The following IVNS1ABP variants were observed in gnomAD, a reference collection of about 807,000 sequenced individuals.
IVNS1ABP encodes the protein influenza virus NS1A-binding protein.
A neutral mutation model predicts 78.9 loss-of-function variants in IVNS1ABP; 25 were observed. The ratio of observed to expected loss-of-function variants is 0.32; its 90% CI spans 0.23 to 0.44. IVNS1ABP has a LOEUF of 0.44. IVNS1ABP is among the 20% of genes least tolerant of loss of function. IVNS1ABP has a pLI of 1.00. For synonymous variants in IVNS1ABP, 241 were observed against 259.7 expected, an observed-to-expected ratio of 0.93 and a Z score of 0.69; for missense variants, 494 against 768.9, an observed-to-expected ratio of 0.64 and a Z score of 4.23.
chr1:185,308,892 T>A lies in IVNS1ABP; in HGVS notation c.282-17A>T. 6.3e-7 allele frequency: 1 copy of A among 1,588,110 alleles called. No homozygotes were observed. Among genetic ancestry groups the A allele is most frequent in the Non-Finnish European group, 8.6e-7 (1 of 1,164,702 alleles). ...GCTTTCAACCTATTTAAAAAAAAAG[T>A]TACTTATGATACCAAAGCCTTAAAA... On this transcript the variant is annotated splice_polypyrimidine_tract_variant and intron_variant, in intron 4 of 14. Coordinates refer to ENST00000367498, the MANE Select transcript of IVNS1ABP (RefSeq NM_006469.5).
At chr1:185,313,680 T>C (rs960805108) in intron 1 of IVNS1ABP, among the ~76,000 whole-genome samples, 1 of 152,188 alleles carries the variant, frequency 6.6e-6, no homozygotes. Context: ...AAAATTGTTT[T>C]CTTTGAAAAT....
intron 1 of IVNS1ABP, among the ~76,000 whole-genome samples, chr1:185,313,089 T>C (rs916106060): frequency 6.6e-6 from 1 of 152,186 alleles, no homozygotes; most frequent in Non-Finnish European, 1.5e-5. Context: ...AAAAATGGTA[T>C]CCACTTACTA....
chr1:185,310,379 A>C (rs1437444516), intron 2 of IVNS1ABP, among the ~76,000 whole-genome samples: 1 of 152,118 alleles, frequency 6.6e-6, no homozygotes, highest in East Asian at 1.9e-4. Flanking sequence ...AGGCCGAGAC[A>C]GGTGGATCAT....
Position 185,301,079 on chromosome 1 carries a change from C to T in IVNS1ABP, c.1013G>A (p.Ser338Asn), listed in dbSNP as rs776419764. ...TSTPKLSKSL[S>N]FEMQQDELIE... ...TAGCTCATCTTGTTGCATCTCAAAG[C>T]TTAAACTCTTACTTAGTTTTGGAGT... The change falls in exon 10 of 15, where the codon AGC becomes AAC. Residue 338 changes from serine (S) to asparagine (N), a missense_variant. Coordinates refer to ENST00000367498, the MANE Select transcript of IVNS1ABP (RefSeq NM_006469.5). 1.2e-6 allele frequency: 2 copies of T among 1,613,494 alleles called. No homozygotes were observed. Among genetic ancestry groups the T allele is most frequent in the Non-Finnish European group, 1.7e-6 (2 of 1,179,680 alleles).
chr1:185,306,995 C>T lies in IVNS1ABP; in HGVS notation c.657+19G>A. The T allele has an allele frequency of 6.2e-7, 1 of 1,610,702 alleles. No individual in the cohort carries two copies. Among genetic ancestry groups the T allele is most frequent in the Non-Finnish European group, 8.5e-7 (1 of 1,177,754 alleles). ...ATAATTTTTAAAAATGGTTGAATCC[C>T]ATTTACTTTAAAACTAACCTCTTCC... On this transcript the variant is annotated intron_variant, in intron 7 of 14. Coordinates refer to ENST00000367498, the MANE Select transcript of IVNS1ABP (RefSeq NM_006469.5).
chr1:185,300,867 T>C (rs926205083), intron 10 of IVNS1ABP, 105 bp downstream of exon 10: 33 of 823,554 alleles, frequency 4.0e-5, no homozygotes, highest in East Asian at 3.5e-4. Context: ...CCCTATCTTA[T>C]TGGATTGCCG....
rs1665597807 is a variant in IVNS1ABP at position 185,301,479 on chromosome 1, T to G, written c.850A>C (p.Ser284Arg). The stretch of plus-strand genomic sequence containing the variant: ...ACGATTTTCCACTCATGCTTAGGGC[T>G]TTGTACTGTAGCATTTGGAGAAGAG... ...CLSSPNATVQ[S>R]PKHEWKIVAS... Residue 284 changes from serine (S) to arginine (R), a missense_variant, in exon 9 of 15, where the codon AGC (serine) becomes CGC (arginine). Physicochemically the swap from Ser to Arg is moderately radical, Grantham distance 110. Transcript: ENST00000367498. 1.9e-6 allele frequency: 3 copies of G among 1,613,184 alleles called. No homozygotes were observed. Among genetic ancestry groups the G allele is most frequent in the Non-Finnish European group, 2.5e-6 (3 of 1,179,448 alleles).
chr1:185,298,527 G>A lies in IVNS1ABP; in HGVS notation c.1676-239C>T, dbSNP rs1489356373. On this transcript the variant is annotated intron_variant, in intron 14 of 14. Coordinates refer to ENST00000367498, the MANE Select transcript of IVNS1ABP (RefSeq NM_006469.5). This position sits in a 1 kb window ranked among gnomAD's most constrained non-coding sequence, Gnocchi z 4.1. ...GGCAACTTAAAAGGGGGAGGGAGAG[G>A]AAGCAGTAGCAGCATCTAAATAAGT... 1.9e-6 allele frequency: 1 copy of A among 520,622 alleles called. No homozygotes were observed. 32.3% of individuals were successfully genotyped at this position (520,622 alleles called of 1,614,324 possible). A position where few individuals can be genotyped will look rare whatever the true frequency, so the allele number is the denominator to read the frequency against.
intron 1 of IVNS1ABP, among the ~76,000 whole-genome samples, chr1:185,314,695 G>C (rs75644288): frequency 0.011 from 1,662 of 152,292 alleles, 15 homozygotes; most frequent in Admixed American, 0.017. Context: ...TTAAGATTCT[G>C]TACACCCATG....
intron 1 of IVNS1ABP, among the ~76,000 whole-genome samples, chr1:185,316,467 C>G (rs1025224861): frequency 6.6e-6 from 1 of 152,214 alleles, no homozygotes; most frequent in Non-Finnish European, 1.5e-5. Flanking sequence ...CCCACACGAG[C>G]CGAGTCTCGA....
In IVNS1ABP at chr1:185,309,405, T is replaced by C; in HGVS notation, c.89A>G (p.Gln30Arg). The stretch of plus-strand genomic sequence containing the variant: ...TACCTGAAGTCGAACATCACAGAAC[T>C]GGCCACTTTTCCTCAGGGCATTTAA... ...AKLNALRKSG[Q>R]FCDVRLQVCG... The change falls in exon 3 of 15, where the codon CAG becomes CGG. Residue 30 changes from glutamine (Q) to arginine (R), a missense_variant. By Grantham distance (43) the Gln-to-Arg change is conservative (BLOSUM62 1). Transcript: ENST00000367498. 6.2e-7 allele frequency: 1 copy of C among 1,610,944 alleles called. No homozygotes were observed. Among genetic ancestry groups the C allele is most frequent in the Admixed American group, 1.7e-5 (1 of 59,772 alleles).
At chr1:185,299,005 A>T (rs1275247236) in intron 14 of IVNS1ABP, 7 of 152,248 alleles carry the variant, frequency 4.6e-5, no homozygotes, top group Non-Finnish European at 1.0e-4. Flanking sequence ...GCTTAGAAAA[A>T]ATTTTATTAC....
chr1:185,307,204 A>G lies in IVNS1ABP; in HGVS notation c.532-65T>C, dbSNP rs1571745631. 7.7e-6 allele frequency: 12 copies of G among 1,567,436 alleles called. 1 individual carries two copies. In the South Asian group the frequency reaches 9.3e-5, roughly 12 times the overall value. The stretch of plus-strand genomic sequence containing the variant: ...CTCCTAGTTCTCAGCTTAATTCCCA[A>G]TTTCATAATAAAGTTGTCACAGATG... On this transcript the variant is annotated intron_variant, in intron 6 of 14. Transcript: ENST00000367498.
At position 185,300,111 on chromosome 1, in the gene IVNS1ABP, T is replaced by C. The variant is rs1280893358; in HGVS notation, c.1389A>G (p.Gly463=). 1 of 1,613,286 alleles carries C rather than the reference T, an allele frequency of 6.2e-7. No homozygotes were observed. Among genetic ancestry groups the C allele is most frequent in the Admixed American group, 1.7e-5 (1 of 59,846 alleles). ...CAGAGCCACCAACGATGTATAACTT[T>C]CCATTCAGAGCACACACTCCTATGT... ...RCNAGVCALN[G]KLYIVGGSDP... The change falls in exon 13 of 15, where the codon GGA becomes GGG. Residue 463 remains glycine (G), a synonymous_variant. Transcript: ENST00000367498.
In IVNS1ABP at chr1:185,315,546, A is replaced by G. The variant is rs140428651; in HGVS notation, c.-247+1407T>C. On this transcript the variant is annotated intron_variant, in intron 1 of 14. Transcript: ENST00000367498. ...TCCGTTTACCTCTGGCTACCAAATTATAAGCTTGATAAGCAGCCTGCCAGC... is the reference window on the plus strand; with the variant it reads ...TCCGTTTACCTCTGGCTACCAAATTGTAAGCTTGATAAGCAGCCTGCCAGC... Among the ~76,000 whole-genome samples, 1,067 of 152,344 alleles carry G rather than the reference A, an allele frequency of 7.0e-3. 9 individuals are homozygous for G. Among genetic ancestry groups the G allele is most frequent in the South Asian group, 0.031 (149 of 4,820 alleles).
intron 5 of IVNS1ABP, chr1:185,308,094 A>AATC (rs1474150538): frequency 6.6e-7 from 1 of 1,505,192 alleles, no homozygotes; most frequent in Non-Finnish European, 8.9e-7. Context: ...TATAAGGGAA[A>AATC]ATCTAGAAAC....
chr1:185,298,150 C>G lies in IVNS1ABP; in HGVS notation c.1814G>C (p.Gly605Ala). ...PRSNAGIATV[G>A]NTIYAVGGFD... Reference sequence around the variant, plus strand: ...TCCTCCCACTGCATAAATGGTGTTCCCTACAGTTGCAATCCCAGCATTGCT... The same window carrying G: ...TCCTCCCACTGCATAAATGGTGTTCGCTACAGTTGCAATCCCAGCATTGCT... The change falls in exon 15 of 15, where the codon GGG becomes GCG. Residue 605 changes from glycine to alanine, a missense_variant. Coordinates refer to ENST00000367498, the MANE Select transcript of IVNS1ABP (RefSeq NM_006469.5). This position sits in a 1 kb window ranked among gnomAD's most constrained non-coding sequence, Gnocchi z 4.1. The G allele has an allele frequency of 2.5e-6, 4 of 1,613,856 alleles. No individual in the cohort carries two copies. Among genetic ancestry groups the G allele is most frequent in the Non-Finnish European group, 3.4e-6 (4 of 1,179,840 alleles).
intron 5 of IVNS1ABP, 153 bp from the exon 6 acceptor site, chr1:185,307,815 C>T (rs1665778780): frequency 8.2e-7 from 1 of 1,212,698 alleles, no homozygotes; most frequent in Non-Finnish European, 1.1e-6. Context: ...AACACGTATA[C>T]AAATGATAAA....
chr1:185,308,678 T>C (rs950331870), intron 5 of IVNS1ABP, 122 bp downstream of exon 5: 10 of 720,956 alleles, frequency 1.4e-5, no homozygotes, highest in African/African-American at 5.3e-5. Flanking sequence ...TTGACTACTC[T>C]GAGGGAAAAA....
Sources: gnomAD v4.1 joint callset for allele counts (sites outside exome capture counted in the v4.1 genomes callset) on GRCh38, gnomAD v4.1.1 for gene constraint, Gnocchi (gnomAD v3.1) non-coding constraint, MANE v1.5 for transcripts, NCBI Gene and HGNC (gene_info 2026-07-23, HGNC 2026-07-21) for gene names.